FBXO15: variants seen among roughly 807,000 people sequenced by gnomAD.
FBXO15 encodes F-box protein 15, also known as F-box only protein 15.
A neutral mutation model predicts 49.5 loss-of-function variants in FBXO15; 30 were observed. That is an observed-to-expected ratio of 0.61 (90% CI 0.45 to 0.82). FBXO15 has a LOEUF of 0.82. FBXO15 is among the 40% of genes least tolerant of loss of function. FBXO15 has a pLI of 0.00. For synonymous variants in FBXO15, 250 were observed against 232.7 expected, an observed-to-expected ratio of 1.07 and a Z score of -0.68; for missense variants, 591 against 631.5, an observed-to-expected ratio of 0.94 and a Z score of 0.69.
intron 5 of FBXO15, among the ~76,000 whole-genome samples, chr18:74,128,882 C>T (rs1315911791): frequency 6.6e-6 from 1 of 152,192 alleles, no homozygotes; most frequent in African/African-American, 2.4e-5. Context: ...TTATTCATTG[C>T]AGTCATATAT....
chr18:74,147,675 C>G lies in FBXO15; in HGVS notation c.111G>C (p.Gly37=). ...CCCGCAGGCCCTACAGTCACCTGCA[C>G]CCAAAGGCCCTGGCGCGCCCCCGGG... ...GAARGRARAF[G]CRKGPGVKLS... Residue 37 remains glycine (G), a synonymous_variant, in exon 1 of 10, where the codon GGG becomes GGC. Coordinates refer to ENST00000419743, the MANE Select transcript of FBXO15 (RefSeq NM_001142958.2). 2 of 1,482,390 alleles carry G rather than the reference C, an allele frequency of 1.3e-6. No homozygotes were observed. The highest frequency in any genetic ancestry group is 2.4e-5 in the Admixed American group (1 of 41,116). 91.8% of individuals were successfully genotyped at this position (1,482,390 alleles called of 1,614,324 possible).
intron 8 of FBXO15, among the ~76,000 whole-genome samples, chr18:74,095,002 C>G (rs1472021126): frequency 6.6e-6 from 1 of 152,218 alleles, no homozygotes; most frequent in Non-Finnish European, 1.5e-5. Context: ...GTGGATATTT[C>G]TTGTTTTCTT....
intron 8 of FBXO15, among the ~76,000 whole-genome samples, chr18:74,093,675 T>C (rs1427977524): frequency 1.3e-5 from 2 of 152,254 alleles, no homozygotes; most frequent in African/African-American, 4.8e-5. Context: ...ACTGTAGTTC[T>C]CTTGCTATTT....
intron 8 of FBXO15, among the ~76,000 whole-genome samples, chr18:74,118,439 C>CATATATATATATATGTGTATAT (rs1660720327): frequency 2.0e-5 from 3 of 151,614 alleles, no homozygotes; most frequent in East Asian, 2.0e-4. Context: ...TGTATATACA[C>CATATATATATATATGTGTATAT]ACACACATGT....
At chr18:74,097,749 T>C (rs1913342639) in intron 8 of FBXO15, 1 of 152,286 alleles carries the variant, frequency 6.6e-6, no homozygotes, top group South Asian at 2.1e-4. Flanking sequence ...ATCCTCCCTA[T>C]ACTACTACAG....
chr18:74,100,493 A>G (rs1398742752), intron 8 of FBXO15, among the ~76,000 whole-genome samples: 1 of 152,146 alleles, frequency 6.6e-6, no homozygotes, highest in Non-Finnish European at 1.5e-5. Flanking sequence ...ATCTAAGGTC[A>G]TACCTCAAGG....
intron 8 of FBXO15, among the ~76,000 whole-genome samples, chr18:74,115,968 C>G (rs1431372022): frequency 6.6e-6 from 1 of 152,100 alleles, no homozygotes; most frequent in African/African-American, 2.4e-5. Flanking sequence ...TAAGCCAGCC[C>G]CCTCTCAATT....
At chr18:74,077,190 A>T (rs1912289674) in intron 9 of FBXO15, among the ~76,000 whole-genome samples, 1 of 152,220 alleles carries the variant, frequency 6.6e-6, no homozygotes, top group Admixed American at 6.5e-5. Flanking sequence ...GCACACAGTC[A>T]CTGAAGCTCA....
At chr18:74,140,440 A>G in intron 1 of FBXO15, 128 bp from the exon 2 acceptor site, 1 of 787,638 alleles carries the variant, frequency 1.3e-6, no homozygotes, top group Non-Finnish European at 1.9e-6. Flanking sequence ...TAATTTCTGC[A>G]AAGAAAAAAA....
chr18:74,082,333 G>A (rs185454193), intron 8 of FBXO15, among the ~76,000 whole-genome samples: 55 of 152,332 alleles, frequency 3.6e-4, no homozygotes, highest in African/African-American at 1.1e-3. Context: ...GTCACTGATG[G>A]AAAGGTGGTC....
chr18:74,126,166 T>A, intron 5 of FBXO15, 65 bp from the exon 6 acceptor site: 1 of 1,589,968 alleles, frequency 6.3e-7, no homozygotes, highest in Non-Finnish European at 8.6e-7. Flanking sequence ...GTGTTGTCAA[T>A]TCTCTTTAGT....
chr18:74,136,074 A>C (rs1978703742), intron 2 of FBXO15, among the ~76,000 whole-genome samples: 1 of 152,214 alleles, frequency 6.6e-6, no homozygotes. Flanking sequence ...ATAAACCATA[A>C]ATAGAGCCAA....
intron 3 of FBXO15, among the ~76,000 whole-genome samples, chr18:74,135,268 C>T (rs957302940): frequency 1.3e-5 from 2 of 152,204 alleles, no homozygotes; most frequent in Admixed American, 1.3e-4. Flanking sequence ...CTATCCATTT[C>T]GCTCTCCCCA....
intron 8 of FBXO15, among the ~76,000 whole-genome samples, chr18:74,105,509 G>T (rs1476574223): frequency 1.3e-5 from 2 of 151,888 alleles, no homozygotes; most frequent in Non-Finnish European, 2.9e-5. Context: ...GCATGATCTT[G>T]GCTCACTGCA....
At chr18:74,119,721 C>T (rs982270127) in intron 8 of FBXO15, among the ~76,000 whole-genome samples, 9 of 152,042 alleles carry the variant, frequency 5.9e-5, no homozygotes, top group African/African-American at 1.9e-4. Context: ...GAGGAACTCA[C>T]TAAAGCTGCA....
chr18:74,077,184 A>C (rs1912289205), intron 9 of FBXO15, among the ~76,000 whole-genome samples: 1 of 152,204 alleles, frequency 6.6e-6, no homozygotes, highest in Non-Finnish European at 1.5e-5. Context: ...GCATATGCAC[A>C]CAGTCACTGA....
chr18:74,127,623 A>G (rs550782119), intron 5 of FBXO15, among the ~76,000 whole-genome samples: 1 of 152,390 alleles, frequency 6.6e-6, no homozygotes, highest in East Asian at 1.9e-4. Context: ...AACTTGCAAT[A>G]AAAGTGCCGA....
At chr18:74,108,962 C>T (rs557909094) in intron 8 of FBXO15, among the ~76,000 whole-genome samples, 206 of 152,192 alleles carry the variant, frequency 1.4e-3, no homozygotes, top group African/African-American at 4.8e-3. Flanking sequence ...CTCTACCCTG[C>T]AAAATTATCT....
In FBXO15 at chr18:74,106,554, T is replaced by G. The variant is rs190112968; in HGVS notation, c.1138+16814A>C. 1.9e-3 allele frequency among the ~76,000 whole-genome samples: 296 copies of G among 152,288 alleles called. 2 individuals are homozygous for G. Among genetic ancestry groups the G allele is most frequent in the Non-Finnish European group, 1.6e-3 (111 of 68,012 alleles). The stretch of plus-strand genomic sequence containing the variant: ...CATAAGGTAGGTACTAATGTTTTCC[T>G]TATTTTGCAAGCAAGGACACTGTGG... On this transcript the variant is annotated intron_variant, in intron 8 of 9. Transcript: ENST00000419743.
Sources: allele counts gnomAD v4.1 joint callset (sites outside exome capture counted in the v4.1 genomes callset), GRCh38; gene constraint gnomAD v4.1.1; transcripts MANE v1.5; gene names NCBI Gene and HGNC (gene_info 2026-07-23, HGNC 2026-07-21).